Variants in ERC1 observed in about 807,000 individuals in gnomAD.
The protein encoded by ERC1 is ELKS/RAB6-interacting/CAST family member 1, also known as RAB6 interacting protein 2.
In ERC1, 56 loss-of-function variants were observed where a neutral mutation model predicts 132.0. The observed-to-expected ratio is 0.42, with a 90% CI of 0.34 to 0.53. ERC1 has a LOEUF of 0.53. Ranked by LOEUF, ERC1 falls within the 20% of genes least tolerant of loss-of-function variation. The probability of loss-of-function intolerance (pLI) is 0.03; values close to 1 mark genes in which losing one functional copy is unlikely to be tolerated. For missense variants in ERC1, 1,202 were observed against 1,349.9 expected (o/e 0.89, Z 1.72); for synonymous variants, 478 against 476.1 (o/e 1.00, Z -0.05).
At chr12:1,163,280 T>C (rs916593273) in intron 8 of ERC1, among the ~76,000 whole-genome samples, 3 of 152,208 alleles carry the variant, frequency 2.0e-5, no homozygotes, top group Non-Finnish European at 4.4e-5. Flanking sequence ...TACCTTGTTA[T>C]AGTGTAAATC....
chr12:1,400,795 C>T (rs2090955107), intron 16 of ERC1, among the ~76,000 whole-genome samples: 1 of 151,738 alleles, frequency 6.6e-6, no homozygotes, highest in African/African-American at 2.4e-5. Flanking sequence ...TTTCTTTGTC[C>T]ATCTTTATGC....
chr12:1,442,336 A>T (rs565608388), intron 17 of ERC1, among the ~76,000 whole-genome samples: 34 of 152,316 alleles, frequency 2.2e-4, no homozygotes, highest in African/African-American at 7.5e-4. Context: ...CTTGATTGAA[A>T]CACTGTCTTC....
intron 2 of ERC1, among the ~76,000 whole-genome samples, chr12:1,038,005 A>T (rs754223136): frequency 4.0e-5 from 6 of 151,632 alleles, no homozygotes; most frequent in Non-Finnish European, 5.9e-5. Flanking sequence ...AGATTGCGCC[A>T]CTGCACTCCA....
intron 12 of ERC1, among the ~76,000 whole-genome samples, chr12:1,233,470 C>CAA (rs60542316): frequency 0.23 from 16,031 of 69,204 alleles, 1,582 homozygotes; most frequent in Non-Finnish European, 0.31. Context: ...GACCCTGTCT[C>CAA]AAAAAAAAAA....
At chr12:1,388,366 AAATT>A (rs1318295500) in intron 16 of ERC1, among the ~76,000 whole-genome samples, 1 of 148,244 alleles carries the variant, frequency 6.7e-6, no homozygotes, top group Non-Finnish European at 1.5e-5. Flanking sequence ...AAAAAAAAAA[AAATT>A]AGCCTCATGA....
chr12:1,438,661 G>T (rs1043042845), intron 17 of ERC1, among the ~76,000 whole-genome samples: 3 of 152,164 alleles, frequency 2.0e-5, no homozygotes, highest in Admixed American at 2.0e-4. Context: ...CATCTTTCGG[G>T]CTGGGTGCAG....
chr12:1,265,161 C>T (rs2077398020), intron 14 of ERC1, among the ~76,000 whole-genome samples: 1 of 152,166 alleles, frequency 6.6e-6, no homozygotes, highest in Non-Finnish European at 1.5e-5. Flanking sequence ...TTGTGTCACC[C>T]AAGGGTGGAG....
At chr12:1,325,237 G>T (rs77195151) in intron 15 of ERC1, among the ~76,000 whole-genome samples, 1 of 152,058 alleles carries the variant, frequency 6.6e-6, no homozygotes, top group Non-Finnish European at 1.5e-5. Flanking sequence ...GTAATAAAAC[G>T]TATCAATGTT....
intron 18 of ERC1, among the ~76,000 whole-genome samples, chr12:1,477,582 G>A (rs1347203143): frequency 5.3e-5 from 8 of 152,200 alleles, no homozygotes; most frequent in Admixed American, 1.3e-4. Context: ...AGATTGGATC[G>A]TACAGTTAGA....
chr12:1,444,952 G>T, intron 18 of ERC1: 1 of 407,592 alleles, frequency 2.5e-6, no homozygotes, highest in Non-Finnish European at 4.3e-6. Context: ...AGATTTGGGG[G>T]GTGGGGAGGG....
chr12:1,349,579 G>A (rs930819219), intron 15 of ERC1, among the ~76,000 whole-genome samples: 4 of 150,686 alleles, frequency 2.7e-5, no homozygotes, highest in South Asian at 4.2e-4. Flanking sequence ...CAGGTGAATC[G>A]CTTGAACCCG....
At chr12:1,196,961 C>T (rs867823979) in intron 12 of ERC1, among the ~76,000 whole-genome samples, 3,651 of 17,464 alleles carry the variant, frequency 0.21, 206 homozygotes, top group Middle Eastern at 0.39. Flanking sequence ...CACACACACA[C>T]ATATATATAT....
At chr12:1,343,904 C>T (rs142293743) in intron 15 of ERC1, among the ~76,000 whole-genome samples, 2,741 of 152,002 alleles carry the variant, frequency 0.018, 85 homozygotes, top group African/African-American at 0.064. Flanking sequence ...TGCAGTGGCG[C>T]GATCTCCGCT....
intron 2 of ERC1, among the ~76,000 whole-genome samples, chr12:1,078,262 AG>A (rs1941651160): frequency 6.6e-6 from 1 of 152,100 alleles, no homozygotes; most frequent in African/African-American, 2.4e-5. Context: ...TTCACTCAGG[AG>A]TGTCAGGATT....
chr12:1,281,052 C>G (rs2078643849), intron 14 of ERC1, among the ~76,000 whole-genome samples: 1 of 151,910 alleles, frequency 6.6e-6, no homozygotes, highest in South Asian at 2.1e-4. Flanking sequence ...ATTAAAATTT[C>G]CAGTTAAAAT....
intron 14 of ERC1, among the ~76,000 whole-genome samples, chr12:1,279,017 T>G (rs1488291921): frequency 2.6e-5 from 4 of 152,164 alleles, no homozygotes; most frequent in Non-Finnish European, 5.9e-5. Flanking sequence ...TAGTTGGAAT[T>G]TAAAATCCTT....
intron 7 of ERC1, among the ~76,000 whole-genome samples, chr12:1,125,236 T>C (rs1264707846): frequency 1.3e-5 from 2 of 151,922 alleles, no homozygotes; most frequent in Admixed American, 6.6e-5. Flanking sequence ...CCTTATGATC[T>C]GCCCACCTTG....
At chr12:1,162,764 A>G (rs1952003252) in intron 8 of ERC1, among the ~76,000 whole-genome samples, 1 of 151,910 alleles carries the variant, frequency 6.6e-6, no homozygotes. Context: ...CAATTCCTGT[A>G]TTTTCTGAAT....
At chr12:1,325,314 A>G (rs1301571298) in intron 15 of ERC1, among the ~76,000 whole-genome samples, 1 of 152,178 alleles carries the variant, frequency 6.6e-6, no homozygotes, top group Non-Finnish European at 1.5e-5. Context: ...ATAAATTTCA[A>G]GGAACCCATA....
Sources: allele counts gnomAD v4.1 joint callset (sites outside exome capture counted in the v4.1 genomes callset), GRCh38; gene constraint gnomAD v4.1.1; transcripts MANE v1.5; gene names NCBI Gene and HGNC (gene_info 2026-07-23, HGNC 2026-07-21).